LRRTM4: variants seen among roughly 807,000 people sequenced by gnomAD.
The protein encoded by LRRTM4 is leucine rich repeat transmembrane neuronal 4, also known as leucine-rich repeat transmembrane neuronal protein 4.
A neutral mutation model predicts 47.6 loss-of-function variants in LRRTM4; 25 were observed. The ratio of observed to expected loss-of-function variants is 0.53; its 90% CI spans 0.38 to 0.73. LRRTM4 has a LOEUF of 0.73. Ranked by LOEUF, LRRTM4 falls within the 30% of genes least tolerant of loss-of-function variation. The pLI is 0.00. For synonymous variants in LRRTM4, 311 were observed against 269.5 expected, an observed-to-expected ratio of 1.15 and a Z score of -1.51; for missense variants, 638 against 713.4, an observed-to-expected ratio of 0.89 and a Z score of 1.20.
intron 3 of LRRTM4, among the ~76,000 whole-genome samples, chr2:76,776,402 CAT>C (rs1673996156): frequency 6.6e-6 from 1 of 152,100 alleles, no homozygotes; most frequent in Admixed American, 6.5e-5. Flanking sequence ...TATTTCTCCA[CAT>C]CCTCTCCAGC....
chr2:77,098,095 T>A (rs938428301), intron 3 of LRRTM4, among the ~76,000 whole-genome samples: 5 of 151,994 alleles, frequency 3.3e-5, no homozygotes, highest in Admixed American at 6.6e-5. Flanking sequence ...AAAATGAAAC[T>A]TATTATTCAC....
At chr2:76,939,511 A>G (rs1437965764) in intron 3 of LRRTM4, among the ~76,000 whole-genome samples, 1 of 151,958 alleles carries the variant, frequency 6.6e-6, no homozygotes, top group Non-Finnish European at 1.5e-5. Context: ...CTGGTTGGAA[A>G]GCTCCCGTGC....
intron 3 of LRRTM4, among the ~76,000 whole-genome samples, chr2:77,164,896 TA>T (rs1456243196): frequency 6.6e-6 from 1 of 151,922 alleles, no homozygotes; most frequent in East Asian, 1.9e-4. Flanking sequence ...ACATCACAAT[TA>T]AAAGAACTAG....
At chr2:77,221,440 T>A (rs1478834601) in intron 3 of LRRTM4, among the ~76,000 whole-genome samples, 1 of 152,142 alleles carries the variant, frequency 6.6e-6, no homozygotes. Flanking sequence ...GACCCATCAG[T>A]GTGCTGTATT....
intron 3 of LRRTM4, among the ~76,000 whole-genome samples, chr2:77,295,788 C>T (rs1676957305): frequency 1.3e-5 from 2 of 151,732 alleles, no homozygotes; most frequent in African/African-American, 4.9e-5. Context: ...AAAAGGACAC[C>T]AATCATATTA....
chr2:77,059,761 A>G (rs10196670), intron 3 of LRRTM4, among the ~76,000 whole-genome samples: 12,024 of 152,196 alleles, frequency 0.079, 1,149 homozygotes, highest in African/African-American at 0.21. Flanking sequence ...GGGAGGAGTG[A>G]AAAGTAAAGC....
intron 3 of LRRTM4, among the ~76,000 whole-genome samples, chr2:76,964,704 T>C (rs1335981320): frequency 6.7e-6 from 1 of 149,928 alleles, no homozygotes; most frequent in Non-Finnish European, 1.5e-5. Context: ...CAATTTAAGC[T>C]TAAATCAAGC....
At chr2:76,878,625 T>A (rs1345860417) in intron 3 of LRRTM4, among the ~76,000 whole-genome samples, 2 of 152,060 alleles carry the variant, frequency 1.3e-5, no homozygotes, top group Admixed American at 1.3e-4. Context: ...GCCCAGCACT[T>A]TGGTAGTCCC....
intron 3 of LRRTM4, among the ~76,000 whole-genome samples, chr2:77,028,504 G>T (rs539214735): frequency 6.6e-6 from 1 of 152,020 alleles, no homozygotes; most frequent in Non-Finnish European, 1.5e-5. Context: ...CTTGAAAACT[G>T]GATTATGTGG....
At chr2:77,270,586 G>A (rs139842446) in intron 3 of LRRTM4, among the ~76,000 whole-genome samples, 1 of 152,118 alleles carries the variant, frequency 6.6e-6, no homozygotes, top group Admixed American at 6.5e-5. Flanking sequence ...CGTAATCTCT[G>A]TTACTATTCT....
At chr2:77,098,469 A>C (rs1670867322) in intron 3 of LRRTM4, among the ~76,000 whole-genome samples, 1 of 152,054 alleles carries the variant, frequency 6.6e-6, no homozygotes, top group African/African-American at 2.4e-5. Flanking sequence ...AATAAATTAG[A>C]TATCTACCTC....
chr2:76,830,840 A>G (rs1671330390), intron 3 of LRRTM4, among the ~76,000 whole-genome samples: 1 of 152,040 alleles, frequency 6.6e-6, no homozygotes. Context: ...CACAATGTTA[A>G]TTCCAGTTTG....
intron 3 of LRRTM4, among the ~76,000 whole-genome samples, chr2:76,991,796 T>G (rs994361325): frequency 3.8e-4 from 57 of 151,634 alleles, no homozygotes; most frequent in African/African-American, 1.3e-3. Flanking sequence ...GAATCCAGCA[T>G]TACCTTGATA....
chr2:76,774,919 T>C (rs1673896430), intron 3 of LRRTM4, among the ~76,000 whole-genome samples: 1 of 152,196 alleles, frequency 6.6e-6, no homozygotes, highest in Non-Finnish European at 1.5e-5. Context: ...TAATGTAAAT[T>C]TGTTTTCTGG....
Position 77,298,428 on chromosome 2 carries a change from G to A in LRRTM4, c.1551+219890C>T, listed in dbSNP as rs141000915. On this transcript the variant is annotated intron_variant, in intron 3 of 3. Coordinates refer to ENST00000409884, the MANE Select transcript of LRRTM4 (RefSeq NM_001134745.3). ...ATTTTTTGTATTTTTAGTGGAGACGGGGTGTTCACCGTGTTAGCCAGGATG... is the reference window on the plus strand; with the variant it reads ...ATTTTTTGTATTTTTAGTGGAGACGAGGTGTTCACCGTGTTAGCCAGGATG... Among the ~76,000 whole-genome samples, 854 of 152,172 alleles carry A rather than the reference G, an allele frequency of 5.6e-3. 10 individuals are homozygous for A. The highest frequency in any genetic ancestry group is 0.019 in the African/African-American group (792 of 41,522).
At chr2:77,135,245 A>G (rs950443439) in intron 3 of LRRTM4, among the ~76,000 whole-genome samples, 10 of 152,168 alleles carry the variant, frequency 6.6e-5, no homozygotes, top group African/African-American at 1.9e-4. Context: ...ATGACTCCAG[A>G]GGGTTCTCTG....
At chr2:76,797,593 AG>A (rs1675411676) in intron 3 of LRRTM4, among the ~76,000 whole-genome samples, 1 of 151,856 alleles carries the variant, frequency 6.6e-6, no homozygotes. Flanking sequence ...TCATAATGAC[AG>A]GATCAAATTC....
chr2:77,046,098 T>C (rs1679227021), intron 3 of LRRTM4, among the ~76,000 whole-genome samples: 1 of 151,986 alleles, frequency 6.6e-6, no homozygotes, highest in Non-Finnish European at 1.5e-5. Context: ...ATGTAAGTGG[T>C]TCTTCTCTTG....
At chr2:76,872,141 G>A (rs1246788815) in intron 3 of LRRTM4, among the ~76,000 whole-genome samples, 2 of 152,076 alleles carry the variant, frequency 1.3e-5, no homozygotes, top group African/African-American at 4.8e-5. Context: ...AATACAATAT[G>A]CTTCTGATTA....
Sources: gnomAD v4.1 joint callset for allele counts (sites outside exome capture counted in the v4.1 genomes callset) on GRCh38, gnomAD v4.1.1 for gene constraint, MANE v1.5 for transcripts, NCBI Gene and HGNC (gene_info 2026-07-23, HGNC 2026-07-21) for gene names.